Variants in TNRC18 observed in about 807,000 individuals in gnomAD.
TNRC18 encodes trinucleotide repeat containing 18, also known as trinucleotide repeat-containing gene 18 protein.
In TNRC18, 69 loss-of-function variants were observed where a neutral mutation model predicts 226.7. The observed-to-expected ratio is 0.30, with a 90% CI of 0.25 to 0.37. The LOEUF is 0.37. Among genes scored for constraint, TNRC18 ranks in the 10% least tolerant of loss-of-function variants. The pLI, the probability that TNRC18 is intolerant of heterozygous loss-of-function variation, is 1.00. For missense variants in TNRC18, 4,754 were observed against 4,256.6 expected (o/e 1.12, Z -3.25); for synonymous variants, 2,449 against 1,927.6 (o/e 1.27, Z -7.09).
chr7:5,412,999 C>T (rs1221349428), intron 2 of TNRC18, among the ~76,000 whole-genome samples: 33 of 152,222 alleles, frequency 2.2e-4, no homozygotes. Flanking sequence ...CCTCCCAAGT[C>T]ACATGCCAGG....
At chr7:5,323,828 A>G (rs1465600641) in intron 21 of TNRC18, among the ~76,000 whole-genome samples, 3 of 152,088 alleles carry the variant, frequency 2.0e-5, no homozygotes, top group African/African-American at 4.8e-5. Flanking sequence ...TCGGTCTCCT[A>G]AAGTGCTGGG....
chr7:5,386,352 G>A (rs1779789637), intron 5 of TNRC18, among the ~76,000 whole-genome samples: 1 of 151,968 alleles, frequency 6.6e-6, no homozygotes, highest in South Asian at 2.1e-4. Context: ...CAAGGCAGGC[G>A]GATCATCTGA....
Position 5,309,668 on chromosome 7 carries a change from T to TA in TNRC18, c.8389-301_8389-300insT, listed in dbSNP as rs1416325773. Reference sequence around the variant, plus strand: ...CCCAGGCTGGAGCGCAGTGGCGCCATCATGACTCACTGCAGCCACGAACTC... The same window carrying TA: ...CCCAGGCTGGAGCGCAGTGGCGCCATACATGACTCACTGCAGCCACGAACTC... On this transcript the variant is annotated intron_variant, in intron 27 of 29. Coordinates refer to ENST00000430969, the MANE Select transcript of TNRC18 (RefSeq NM_001080495.3). The surrounding 1 kb of genome is among the most constrained non-coding windows in gnomAD (Gnocchi z 5.7). 6.6e-6 allele frequency among the ~76,000 whole-genome samples: 1 copy of TA among 152,234 alleles called. No individual in the cohort carries two copies. Among genetic ancestry groups the TA allele is most frequent in the Non-Finnish European group, 1.5e-5 (1 of 68,046 alleles).
chr7:5,332,151 G>C (rs781739081), intron 19 of TNRC18, among the ~76,000 whole-genome samples: 1 of 152,084 alleles, frequency 6.6e-6, no homozygotes, highest in East Asian at 1.9e-4. Context: ...TGTAAGATAC[G>C]GGTGGTCAAG....
intron 19 of TNRC18, among the ~76,000 whole-genome samples, chr7:5,328,332 G>A (rs1319901807): frequency 1.3e-5 from 2 of 152,058 alleles, no homozygotes; most frequent in African/African-American, 4.8e-5. Context: ...AGACCATCCT[G>A]GGCAACATAA....
chr7:5,311,328 C>G (rs775233014), intron 27 of TNRC18, among the ~76,000 whole-genome samples: 1 of 152,258 alleles, frequency 6.6e-6, no homozygotes, highest in Non-Finnish European at 1.5e-5. Context: ...GCAGGGCACA[C>G]GGGACCCCGA....
In TNRC18 at chr7:5,307,913, C is replaced by T. The variant is rs1562467200; in HGVS notation, c.*193G>A. 1.7e-6 allele frequency: 1 copy of T among 602,064 alleles called. No individual in the cohort carries two copies. Among genetic ancestry groups the T allele is most frequent in the South Asian group, 2.0e-5 (1 of 50,388 alleles). 37.3% of individuals were successfully genotyped at this position (602,064 alleles called of 1,614,324 possible). On this transcript the variant is annotated 3_prime_UTR_variant, in exon 30 of 30. Transcript: ENST00000430969. ...AGGGGTTGGAAGGTGGGGCTGGAGG[C>T]ATGTGCACATGCGTGCACACACGTG...
At chr7:5,416,111 C>CAAAA (rs35630581) in intron 2 of TNRC18, among the ~76,000 whole-genome samples, 6 of 83,198 alleles carry the variant, frequency 7.2e-5, no homozygotes, top group African/African-American at 2.4e-4. Flanking sequence ...GACTCTCTCG[C>CAAAA]AAAAAAAAAA....
intron 5 of TNRC18, among the ~76,000 whole-genome samples, chr7:5,386,090 G>A (rs559494017): frequency 3.3e-4 from 49 of 150,530 alleles, no homozygotes; most frequent in African/African-American, 9.0e-4. Context: ...AGTTTGAGAC[G>A]AGCCTGGCCA....
intron 2 of TNRC18, among the ~76,000 whole-genome samples, chr7:5,401,851 G>C (rs1350118695): frequency 6.6e-6 from 1 of 152,128 alleles, no homozygotes; most frequent in African/African-American, 2.4e-5. Flanking sequence ...ACTTTGGAAG[G>C]CCAAAGTGGG....
intron 17 of TNRC18, among the ~76,000 whole-genome samples, chr7:5,349,751 G>C (rs1174726257): frequency 6.6e-6 from 1 of 152,214 alleles, no homozygotes; most frequent in Non-Finnish European, 1.5e-5. Context: ...AGGGGTCAAG[G>C]GTGGAGGGAT....
chr7:5,398,709 C>T (rs1010239679), intron 2 of TNRC18, among the ~76,000 whole-genome samples: 1 of 152,088 alleles, frequency 6.6e-6, no homozygotes, highest in Non-Finnish European at 1.5e-5. Flanking sequence ...CCTCCAACTC[C>T]TGAGCTCAAT....
At chr7:5,375,206 G>A (rs1370743075) in intron 9 of TNRC18, among the ~76,000 whole-genome samples, 1 of 152,188 alleles carries the variant, frequency 6.6e-6, no homozygotes. Flanking sequence ...CTACTCGGGA[G>A]GCTGAGGCAG....
Position 5,309,375 on chromosome 7 carries a change from G to A in TNRC18, c.8389-7C>T, listed in dbSNP as rs1340455951. 6.2e-7 allele frequency: 1 copy of A among 1,603,670 alleles called. No individual in the cohort carries two copies. The highest frequency in any genetic ancestry group is 1.7e-5 in the Admixed American group (1 of 58,744). ...TGCCCTTCATGCCACGCCGCTGCAA[G>A]GACACGTGTGTCACGGCACAGGCCC... On this transcript the variant is annotated splice_region_variant and splice_polypyrimidine_tract_variant and intron_variant, in intron 27 of 29. Coordinates refer to ENST00000430969, the MANE Select transcript of TNRC18 (RefSeq NM_001080495.3). The surrounding 1 kb of genome is among the most constrained non-coding windows in gnomAD (Gnocchi z 5.7).
rs1417561407 is a variant in TNRC18 at position 5,361,944 on chromosome 7, C to T, written c.4485G>A (p.Lys1495=). ...MRLAEVQRQY[K]EKQRELVKLQ... ...GCTTCACCAGCTCACGCTGCTTCTC[C>T]TTGTACTGGCGCTGCACCTCGGCCA... is the stretch of plus-strand genomic sequence containing the variant. Residue 1495 remains lysine, a synonymous_variant, in exon 13 of 30, where the codon AAG becomes AAA. Coordinates refer to ENST00000430969, the MANE Select transcript of TNRC18 (RefSeq NM_001080495.3). The T allele has an allele frequency of 1.9e-6, 3 of 1,609,584 alleles. No homozygotes were observed. The highest frequency in any genetic ancestry group is 2.5e-6 in the Non-Finnish European group (3 of 1,178,500).
chr7:5,354,455 A>G (rs1319235940), intron 16 of TNRC18, among the ~76,000 whole-genome samples: 1 of 151,636 alleles, frequency 6.6e-6, no homozygotes, highest in African/African-American at 2.4e-5. Context: ...GACTTCCCTG[A>G]ACCCCCTTCA....
At chr7:5,408,079 A>C in intron 2 of TNRC18, among the ~76,000 whole-genome samples, 1 of 152,168 alleles carries the variant, frequency 6.6e-6, no homozygotes, top group Non-Finnish European at 1.5e-5. Flanking sequence ...GTAGGGGTGG[A>C]TCACGAGGTT....
rs1258890246 is a variant in TNRC18 at position 5,362,603 on chromosome 7, C to T, written c.4395+47G>A. The T allele has an allele frequency of 2.7e-6, 4 of 1,480,694 alleles. No homozygotes were observed. The East Asian group carries it at 9.9e-5, about 37-fold the overall frequency. 91.7% of individuals were successfully genotyped at this position (1,480,694 alleles called of 1,614,324 possible). On this transcript the variant is annotated intron_variant, in intron 12 of 29. Coordinates refer to ENST00000430969, the MANE Select transcript of TNRC18 (RefSeq NM_001080495.3). ...GGCACCTCCACAGAGGGGCCTCCCA[C>T]CCAGCCTCCCCCGCGGACCCCAGGG...
In TNRC18 at chr7:5,315,107, G is replaced by C; in HGVS notation, c.6904C>G (p.Arg2302Gly). The C allele has an allele frequency of 6.2e-7, 1 of 1,613,030 alleles. No individual in the cohort carries two copies. Among genetic ancestry groups the C allele is most frequent in the Non-Finnish European group, 8.5e-7 (1 of 1,179,686 alleles). ...TCTTTGCTGGTCTTCCGGCTGCGGC[G>C]CTTGGCACTTGGCACCAGAAGGGCC... ...SPALLVPSAKRRSRKTSKDTG... is the reference protein window; with the variant it reads ...SPALLVPSAKGRSRKTSKDTG... Residue 2302 changes from arginine to glycine, a missense_variant, in exon 26 of 30, where the codon CGC becomes GGC. Coordinates refer to ENST00000430969, the MANE Select transcript of TNRC18 (RefSeq NM_001080495.3).
Sources: allele counts gnomAD v4.1 joint callset (sites outside exome capture counted in the v4.1 genomes callset), GRCh38; gene constraint gnomAD v4.1.1; non-coding constraint Gnocchi (gnomAD v3.1); transcripts MANE v1.5; gene names NCBI Gene and HGNC (gene_info 2026-07-23, HGNC 2026-07-21).